The following SHCBP1 variants were observed in gnomAD, a reference collection of about 807,000 sequenced individuals.
SHCBP1 encodes the protein SHC SH2 domain-binding protein 1.
Under a neutral mutation model 75.1 loss-of-function variants are expected in SHCBP1, and 60 were observed. The observed-to-expected ratio is 0.80, with a 90% CI of 0.65 to 0.99. SHCBP1 has a LOEUF of 0.99. Among genes scored for constraint, SHCBP1 ranks in the 50% least tolerant of loss-of-function variants. The probability of loss-of-function intolerance (pLI) is 0.00; values close to 1 mark genes in which losing one functional copy is unlikely to be tolerated. For missense variants in SHCBP1, 709 were observed against 809.4 expected, an observed-to-expected ratio of 0.88 and a Z score of 1.50; for synonymous variants, 290 against 293.2, an observed-to-expected ratio of 0.99 and a Z score of 0.11.
At chr16:46,594,995 C>G (rs1965112691) in intron 10 of SHCBP1, among the ~76,000 whole-genome samples, 1 of 152,152 alleles carries the variant, frequency 6.6e-6, no homozygotes, top group Admixed American at 6.5e-5. Flanking sequence ...TCCCAAAGAG[C>G]CACATACTGT....
At chr16:46,602,813 T>TA (rs1965261986) in intron 8 of SHCBP1, among the ~76,000 whole-genome samples, 2 of 152,066 alleles carry the variant, frequency 1.3e-5, no homozygotes, top group Admixed American at 1.3e-4. Flanking sequence ...GTATTTTTAG[T>TA]ACCGACGGGG....
intron 8 of SHCBP1, among the ~76,000 whole-genome samples, chr16:46,602,722 C>T (rs530750309): frequency 6.6e-6 from 1 of 152,296 alleles, no homozygotes; most frequent in African/African-American, 2.4e-5. Context: ...CCTCCACCTC[C>T]CAGGTTCAAG....
intron 4 of SHCBP1, among the ~76,000 whole-genome samples, chr16:46,610,158 G>A (rs1417906636): frequency 6.6e-6 from 1 of 151,856 alleles, no homozygotes; most frequent in Admixed American, 6.6e-5. Context: ...CACTATGTTG[G>A]CCAGGCTGGT....
At position 46,620,890 on chromosome 16, in the gene SHCBP1, T is replaced by C. The variant is rs577913635; in HGVS notation, c.103+367A>G. The C allele has an allele frequency of 1.6e-5, 3 of 191,582 alleles. No homozygotes were observed. In the East Asian group the frequency reaches 3.7e-4, roughly 24 times the overall value. 11.9% of individuals were successfully genotyped at this position (191,582 alleles called of 1,614,324 possible). ...TCTTCTTCGGAAAAGGGAAGTGTGG[T>C]TCGTGATCTCCTTTGAGATGCAGAT... On this transcript the variant is annotated intron_variant, in intron 1 of 12. Transcript: ENST00000303383.
intron 9 of SHCBP1, among the ~76,000 whole-genome samples, chr16:46,596,104 A>G (rs1235819164): frequency 3.9e-5 from 6 of 152,240 alleles, no homozygotes; most frequent in Admixed American, 3.3e-4. Context: ...AAAAGAAAAA[A>G]ATCACCACAC....
chr16:46,610,133 G>T (rs189688868), intron 4 of SHCBP1, among the ~76,000 whole-genome samples: 15 of 151,274 alleles, frequency 9.9e-5, no homozygotes, highest in Admixed American at 9.2e-4. Flanking sequence ...TGTATTTTTC[G>T]TAGAGATAGG....
rs538774624 is a variant in SHCBP1 at position 46,604,016 on chromosome 16, T to C, written c.1051A>G (p.Arg351Gly). The C allele has an allele frequency of 3.7e-6, 6 of 1,613,952 alleles. No homozygotes were observed. The South Asian group carries it at 5.5e-5, about 15-fold the overall frequency. Reference sequence around the variant, plus strand: ...TCCTCACCAGGCTCCTGGCAAAGCCTGTCCGTAAGCAGGGACCGCAGGAGA... The same window carrying C: ...TCCTCACCAGGCTCCTGGCAAAGCCCGTCCGTAAGCAGGGACCGCAGGAGA... ...AGLLRSLLTD[R>G]LCQEPGEEER... Residue 351 changes from arginine to glycine, a missense_variant, in exon 7 of 13, where the codon AGG becomes GGG. Physicochemically the swap from Arg to Gly is moderately radical, Grantham distance 125. Coordinates refer to ENST00000303383, the MANE Select transcript of SHCBP1 (RefSeq NM_024745.5).
At position 46,579,645 on chromosome 16, in the gene SHCBP1, CA is replaced by C. The variant is rs1372734106; in HGVS notation, c.*2083del. Among the ~76,000 whole-genome samples, 1 of 150,966 alleles carries C rather than the reference CA, an allele frequency of 6.6e-6. No individual in the cohort carries two copies. The highest frequency in any genetic ancestry group is 2.4e-5 in the African/African-American group (1 of 41,056). On this transcript the variant is annotated 3_prime_UTR_variant, in exon 13 of 13. Transcript: ENST00000303383. Reference sequence around the variant, plus strand: ...TGAAACCCCATATCTACTAAAAATACAAAAAAAAGGCCAGGCACGTGGCTCA... The same window carrying C: ...TGAAACCCCATATCTACTAAAAATACAAAAAAAGGCCAGGCACGTGGCTCA...
intron 10 of SHCBP1, among the ~76,000 whole-genome samples, chr16:46,585,707 C>G (rs184204923): frequency 6.6e-6 from 1 of 152,208 alleles, no homozygotes; most frequent in African/African-American, 2.4e-5. Context: ...CTTGTACCCC[C>G]ACCTGGCAGT....
chr16:46,589,678 C>T (rs960403075), intron 10 of SHCBP1, among the ~76,000 whole-genome samples: 32 of 149,612 alleles, frequency 2.1e-4, no homozygotes, highest in African/African-American at 7.8e-4. Flanking sequence ...TAAAAGAGGA[C>T]ACAAATGGAA....
chr16:46,613,499 ACTGT>A (rs1965450910), intron 4 of SHCBP1, among the ~76,000 whole-genome samples: 1 of 152,232 alleles, frequency 6.6e-6, no homozygotes, highest in Middle Eastern at 3.4e-3. Context: ...CTCTCTCAGC[ACTGT>A]CTGTGTTCCA....
intron 1 of SHCBP1, among the ~76,000 whole-genome samples, chr16:46,618,665 A>G (rs1014116144): frequency 6.6e-6 from 1 of 152,084 alleles, no homozygotes; most frequent in Non-Finnish European, 1.5e-5. Flanking sequence ...TGTTTTAGAA[A>G]CGGTCTCACT....
At chr16:46,617,254 C>T (rs1965513990) in intron 3 of SHCBP1, among the ~76,000 whole-genome samples, 1 of 152,006 alleles carries the variant, frequency 6.6e-6, no homozygotes, top group South Asian at 2.1e-4. Context: ...TGCACTCCAG[C>T]CTGAGCAACA....
rs772703007 is a variant in SHCBP1, at chr16:46,604,405, T to C, written c.746A>G (p.Asn249Ser). 56 of 1,614,072 alleles carry C rather than the reference T, an allele frequency of 3.5e-5. No homozygotes were observed. The highest frequency in any genetic ancestry group is 2.2e-4 in the Admixed American group (13 of 60,006). Residue 249 changes from asparagine (N) to serine (S), a missense_variant, in exon 6 of 13, where the codon AAT (asparagine) becomes AGT (serine). By Grantham distance (46) the Asn-to-Ser change is conservative. Transcript: ENST00000303383. The part of the protein sequence containing the change: ...VPSGLIVDYH[N>S]LLSQCEESYR... ...ACTCTCCTCACATTGAGACAACAGA[T>C]TGTGGTAGTCAACAATAAGTCCTGA...
intron 12 of SHCBP1, among the ~76,000 whole-genome samples, chr16:46,583,162 C>T (rs889497026): frequency 4.0e-5 from 6 of 150,226 alleles, no homozygotes; most frequent in African/African-American, 5.1e-5. Flanking sequence ...TGCTGTCACA[C>T]ACCCACTGTT....
intron 5 of SHCBP1, among the ~76,000 whole-genome samples, chr16:46,604,862 T>C (rs1368570745): frequency 6.6e-6 from 1 of 152,188 alleles, no homozygotes; most frequent in Admixed American, 6.5e-5. Context: ...GAGAGCAGTT[T>C]CTCAAATTGT....
chr16:46,607,447 T>A (rs1161560158), intron 5 of SHCBP1, among the ~76,000 whole-genome samples: 1 of 152,152 alleles, frequency 6.6e-6, no homozygotes, highest in Non-Finnish European at 1.5e-5. Context: ...ATTTTATTAT[T>A]ATTTACTATT....
At chr16:46,613,326 T>A (rs1260291031) in intron 4 of SHCBP1, among the ~76,000 whole-genome samples, 1 of 152,102 alleles carries the variant, frequency 6.6e-6, no homozygotes, top group Non-Finnish European at 1.5e-5. Flanking sequence ...ATACCGTGTT[T>A]CCAAAAAAAC....
chr16:46,592,142 A>C (rs566094804), intron 10 of SHCBP1, among the ~76,000 whole-genome samples: 1 of 152,218 alleles, frequency 6.6e-6, no homozygotes, highest in South Asian at 2.1e-4. Flanking sequence ...AATCTAAAAA[A>C]AGAACATAAG....
Sources: allele counts gnomAD v4.1 joint callset (sites outside exome capture counted in the v4.1 genomes callset), GRCh38; gene constraint gnomAD v4.1.1; transcripts MANE v1.5; gene names NCBI Gene and HGNC (gene_info 2026-07-23, HGNC 2026-07-21).